The following RAPGEF1 variants were observed in gnomAD, a reference collection of about 807,000 sequenced individuals.
RAPGEF1 encodes CRK SH3-binding GNRP.
RAPGEF1 carries 33 observed loss-of-function variants against 143.3 expected under a neutral mutation model. That is an observed-to-expected ratio of 0.23 (90% CI 0.17 to 0.31). RAPGEF1 has a LOEUF of 0.31. Ranked by LOEUF, RAPGEF1 falls within the 10% of genes least tolerant of loss-of-function variation. The probability of loss-of-function intolerance (pLI) is 1.00; values close to 1 mark genes in which losing one functional copy is unlikely to be tolerated. For missense variants in RAPGEF1, 1,199 were observed against 1,645.4 expected, an observed-to-expected ratio of 0.73 and a Z score of 4.69; for synonymous variants, 629 against 676.5, an observed-to-expected ratio of 0.93 and a Z score of 1.09.
chr9:131,739,670 G>A, intron 1 of RAPGEF1, 100 bp downstream of exon 1: 1 of 904,252 alleles, frequency 1.1e-6, no homozygotes, highest in Non-Finnish European at 1.3e-6. Flanking sequence ...CCGGCGCACG[G>A]AGGGCCGCAC....
intron 12 of RAPGEF1, among the ~76,000 whole-genome samples, chr9:131,616,572 A>G (rs145748080): frequency 6.6e-6 from 1 of 152,176 alleles, no homozygotes; most frequent in Admixed American, 6.5e-5. Flanking sequence ...GTGCCCTACA[A>G]ATTCCCTTGG....
At chr9:131,606,976 ACT>A (rs1487368216) in intron 12 of RAPGEF1, among the ~76,000 whole-genome samples, 3 of 152,014 alleles carry the variant, frequency 2.0e-5, no homozygotes, top group Non-Finnish European at 4.4e-5. Context: ...AGCTACCGTA[ACT>A]CGAGGGACAA....
intron 1 of RAPGEF1, among the ~76,000 whole-genome samples, chr9:131,704,361 G>A (rs893557677): frequency 9.3e-5 from 14 of 151,296 alleles, no homozygotes; most frequent in Non-Finnish European, 1.9e-4. Flanking sequence ...AGCAACCACT[G>A]GCATTCAAAA....
Position 131,628,783 on chromosome 9 carries a change from C to A in RAPGEF1, c.894-111G>T. On this transcript the variant is annotated intron_variant, in intron 7 of 26. Coordinates refer to ENST00000683357, the MANE Select transcript of RAPGEF1 (RefSeq NM_001377935.1). The surrounding 1 kb of genome is among the most constrained non-coding windows in gnomAD (Gnocchi z 5.7). ...CTTTCATTACTAGACTCTCCACACC[C>A]AATGTTCACACTTCAACTCCTGCCT... 7.2e-7 allele frequency: 1 copy of A among 1,386,788 alleles called. No homozygotes were observed. The highest frequency in any genetic ancestry group is 9.7e-7 in the Non-Finnish European group (1 of 1,027,184). 85.9% of individuals were successfully genotyped at this position (1,386,788 alleles called of 1,614,324 possible). A position where few individuals can be genotyped will look rare whatever the true frequency, so the allele number is the denominator to read the frequency against.
chr9:131,582,897 G>C (rs1173598556), intron 24 of RAPGEF1, among the ~76,000 whole-genome samples, 195 bp from the exon 25 acceptor site: 1 of 152,178 alleles, frequency 6.6e-6, no homozygotes, highest in Non-Finnish European at 1.5e-5. Context: ...CCTTTTCAAC[G>C]AGTGTCAGCC....
chr9:131,698,269 T>C (rs749101856), intron 1 of RAPGEF1, among the ~76,000 whole-genome samples: 3 of 152,176 alleles, frequency 2.0e-5, no homozygotes, highest in Non-Finnish European at 4.4e-5. Context: ...GGCCCTCTAG[T>C]CTGCCCTTGT....
chr9:131,638,261 A>G (rs564338755), intron 5 of RAPGEF1, among the ~76,000 whole-genome samples: 1 of 152,358 alleles, frequency 6.6e-6, no homozygotes, highest in South Asian at 2.1e-4. Context: ...CAAGAATCCT[A>G]GAAGCTCCCA....
chr9:131,627,561 T>A (rs1963617373), intron 9 of RAPGEF1, among the ~76,000 whole-genome samples: 2 of 152,208 alleles, frequency 1.3e-5, no homozygotes, highest in Admixed American at 6.5e-5. Context: ...CCCTTCAGCC[T>A]CTGTCAAGTG....
intron 6 of RAPGEF1, 67 bp from the exon 7 acceptor site, chr9:131,629,321 G>C: frequency 6.7e-7 from 1 of 1,487,266 alleles, no homozygotes; most frequent in Non-Finnish European, 9.2e-7. Flanking sequence ...CACAGGCCCT[G>C]AGAGGGTGAG....
At chr9:131,685,509 G>A (rs535819304) in intron 1 of RAPGEF1, among the ~76,000 whole-genome samples, 27 of 152,358 alleles carry the variant, frequency 1.8e-4, no homozygotes, top group African/African-American at 6.3e-4. Flanking sequence ...AATAACATGA[G>A]CGATCTGTGC....
At chr9:131,735,222 T>A (rs769230084) in intron 1 of RAPGEF1, among the ~76,000 whole-genome samples, 3 of 152,094 alleles carry the variant, frequency 2.0e-5, no homozygotes, top group African/African-American at 4.8e-5. Flanking sequence ...AAGAAAGGAA[T>A]GAGTGACTGA....
chr9:131,641,715 C>T lies in RAPGEF1; in HGVS notation c.494+1524G>A, dbSNP rs1968040668. On this transcript the variant is annotated intron_variant, in intron 4 of 26. Coordinates refer to ENST00000683357, the MANE Select transcript of RAPGEF1 (RefSeq NM_001377935.1). The surrounding 1 kb of genome is among the most constrained non-coding windows in gnomAD (Gnocchi z 4.6). ...AGCACATGCGCTCCTAGGAGCCCAG[C>T]ACCGAACACTTCTAAGAGCCGGAGC... is the stretch of plus-strand genomic sequence containing the variant. Among the ~76,000 whole-genome samples, 1 of 152,226 alleles carries T rather than the reference C, an allele frequency of 6.6e-6. No homozygotes were observed. The highest frequency in any genetic ancestry group is 1.5e-5 in the Non-Finnish European group (1 of 68,040).
At chr9:131,716,241 A>G (rs970627601) in intron 1 of RAPGEF1, among the ~76,000 whole-genome samples, 11 of 152,220 alleles carry the variant, frequency 7.2e-5, no homozygotes, top group African/African-American at 2.7e-4. Flanking sequence ...TCAGATTTCA[A>G]GGACCCCCCC....
intron 17 of RAPGEF1, among the ~76,000 whole-genome samples, chr9:131,592,609 ACT>A (rs1283142851): frequency 6.6e-6 from 1 of 151,786 alleles, no homozygotes; most frequent in Non-Finnish European, 1.5e-5. Context: ...CCTGGATTAG[ACT>A]CTGAGAGGCT....
At chr9:131,680,455 T>C (rs1564160098) in intron 1 of RAPGEF1, among the ~76,000 whole-genome samples, 1 of 152,244 alleles carries the variant, frequency 6.6e-6, no homozygotes, top group Non-Finnish European at 1.5e-5. Context: ...CACTGTGACA[T>C]GTTCATGATG....
At chr9:131,605,211 A>G (rs980077969) in intron 12 of RAPGEF1, 23 bp from the exon 13 acceptor site, 1 of 1,283,816 alleles carries the variant, frequency 7.8e-7, no homozygotes, top group African/African-American at 1.5e-5. Context: ...GGTGGAGAAC[A>G]AACAAAAACG....
At chr9:131,685,597 G>A (rs1464373382) in intron 1 of RAPGEF1, among the ~76,000 whole-genome samples, 2 of 152,196 alleles carry the variant, frequency 1.3e-5, no homozygotes. Flanking sequence ...TTTCCCATAA[G>A]GGATACTTTT....
At chr9:131,673,050 A>G (rs927199023) in intron 1 of RAPGEF1, among the ~76,000 whole-genome samples, 1 of 152,124 alleles carries the variant, frequency 6.6e-6, no homozygotes, top group Non-Finnish European at 1.5e-5. Flanking sequence ...TTGGCTGTAG[A>G]CTTTGTTTAG....
intron 1 of RAPGEF1, among the ~76,000 whole-genome samples, chr9:131,696,079 C>T (rs532823917): frequency 3.3e-4 from 51 of 152,328 alleles, no homozygotes; most frequent in Admixed American, 2.3e-3. Flanking sequence ...GAGCCACAGA[C>T]CCTCACCTGT....
Sources: allele counts gnomAD v4.1 joint callset (sites outside exome capture counted in the v4.1 genomes callset), GRCh38; gene constraint gnomAD v4.1.1; non-coding constraint Gnocchi (gnomAD v3.1); transcripts MANE v1.5; gene names NCBI Gene and HGNC (gene_info 2026-07-23, HGNC 2026-07-21).